The following LRRC28 variants were observed in gnomAD, a reference collection of about 807,000 sequenced individuals.
LRRC28 encodes leucine-rich repeat-containing protein 28.
LRRC28 carries 39 observed loss-of-function variants against 45.7 expected under a neutral mutation model. That is an observed-to-expected ratio of 0.85 (90% CI 0.66 to 1.12). The LOEUF (loss-of-function observed/expected upper bound fraction) is 1.12, where lower values mean the gene tolerates loss of function less well. Among genes scored for constraint, LRRC28 ranks in the 50% most tolerant of loss-of-function variants. LRRC28 has a pLI of 0.00. For missense variants in LRRC28, 435 were observed against 438.5 expected (o/e 0.99, Z 0.07); for synonymous variants, 206 against 178.8 (o/e 1.15, Z -1.22).
At chr15:99,359,945 TA>T (rs1390769957) in intron 7 of LRRC28, among the ~76,000 whole-genome samples, 1 of 152,214 alleles carries the variant, frequency 6.6e-6, no homozygotes, top group Non-Finnish European at 1.5e-5. Context: ...TTCAAGACCC[TA>T]AAGACTTCCC....
chr15:99,302,731 T>C (rs1438858740), intron 5 of LRRC28, among the ~76,000 whole-genome samples: 1 of 152,242 alleles, frequency 6.6e-6, no homozygotes, highest in Non-Finnish European at 1.5e-5. Context: ...TAGCCTTTGT[T>C]CTCACCCGCA....
At chr15:99,371,295 C>T (rs995622560) in intron 9 of LRRC28, among the ~76,000 whole-genome samples, 1 of 152,194 alleles carries the variant, frequency 6.6e-6, no homozygotes. Flanking sequence ...AATCAGGCCA[C>T]TTTCAAGCTC....
At chr15:99,270,959 A>G (rs1350224527) in intron 2 of LRRC28, among the ~76,000 whole-genome samples, 2 of 152,176 alleles carry the variant, frequency 1.3e-5, no homozygotes, top group African/African-American at 4.8e-5. Flanking sequence ...TACAGCTGTC[A>G]TAGTGGGTAT....
intron 5 of LRRC28, among the ~76,000 whole-genome samples, chr15:99,292,662 C>T (rs573880423): frequency 3.3e-5 from 5 of 152,340 alleles, no homozygotes; most frequent in African/African-American, 1.2e-4. Flanking sequence ...CCGCGCCCAG[C>T]CTCGTACAGT....
intron 2 of LRRC28, among the ~76,000 whole-genome samples, chr15:99,263,225 G>A (rs549832043): frequency 6.6e-6 from 1 of 150,774 alleles, no homozygotes; most frequent in South Asian, 2.1e-4. Flanking sequence ...GGTCTGAGAT[G>A]GGAGGATTGC....
intron 9 of LRRC28, among the ~76,000 whole-genome samples, chr15:99,376,374 A>C (rs62025366): frequency 0.15 from 23,145 of 152,120 alleles, 1,805 homozygotes; most frequent in African/African-American, 0.18. Flanking sequence ...CTTTAAACTT[A>C]AATTGTTCTT....
intron 3 of LRRC28, 148 bp downstream of exon 3, chr15:99,276,764 A>G (rs985624408): frequency 2.0e-6 from 1 of 499,638 alleles, no homozygotes; most frequent in African/African-American, 2.0e-5. Context: ...CTGTGGTTCT[A>G]CTAAACCCAA....
At chr15:99,330,123 G>A (rs1313791893) in intron 5 of LRRC28, among the ~76,000 whole-genome samples, 2 of 151,964 alleles carry the variant, frequency 1.3e-5, no homozygotes, top group African/African-American at 4.8e-5. Flanking sequence ...ATACTTTTGG[G>A]ATATTGATCT....
At position 99,276,084 on chromosome 15, in the gene LRRC28, A is replaced by G. The variant is rs543344079; in HGVS notation, c.169-492A>G. Among the ~76,000 whole-genome samples, 5 of 151,994 alleles carry G rather than the reference A, an allele frequency of 3.3e-5. No individual in the cohort carries two copies. The East Asian group carries it at 9.6e-4, about 29-fold the overall frequency. On this transcript the variant is annotated intron_variant, in intron 2 of 9. Transcript: ENST00000301981. ...GAGTGATCTAGTTTGTGCACTTGTT[A>G]TGAGAATCTAGTGCCTGACGATCTG...
chr15:99,334,094 C>G lies in LRRC28; in HGVS notation c.557C>G (p.Ser186Cys). 6.2e-7 allele frequency: 1 copy of G among 1,614,132 alleles called. No homozygotes were observed. The highest frequency in any genetic ancestry group is 8.5e-7 in the Non-Finnish European group (1 of 1,179,984). Residue 186 changes from serine (S) to cysteine (C), a missense_variant, in exon 6 of 10, where the codon TCC becomes TGC. By Grantham distance (112) the Ser-to-Cys change is moderately radical. Transcript: ENST00000301981. ...LCQLPSLNEL[S>C]MAGNRLAFLP... ...CAGCTGCCCAGCCTCAATGAGCTCT[C>G]CATGGCTGGAAACCGTCTTGCATTT...
intron 9 of LRRC28, chr15:99,384,724 T>C (rs1207017648): frequency 6.6e-6 from 1 of 152,188 alleles, no homozygotes; most frequent in African/African-American, 2.4e-5. Context: ...TCCAGTGATA[T>C]TTGAGTAACC....
rs1362541318 is a variant in LRRC28, at chr15:99,386,068, C to A, written c.1070C>A (p.Thr357Asn). 1 of 1,614,190 alleles carries A rather than the reference C, an allele frequency of 6.2e-7. No homozygotes were observed. Among genetic ancestry groups the A allele is most frequent in the South Asian group, 1.1e-5 (1 of 91,088 alleles). Reference protein sequence around the residue: ...TVSFVAYCCSTQCLQTFDLLS With the variant: ...TVSFVAYCCSNQCLQTFDLLS The stretch of plus-strand genomic sequence containing the variant: ...AGTTTTGTGGCTTACTGCTGCTCCA[C>A]CCAGTGTCTGCAGACTTTTGACCTG... Residue 357 changes from threonine to asparagine, a missense_variant, in exon 10 of 10, where the codon ACC (threonine) becomes AAC (asparagine). By Grantham distance (65) the Thr-to-Asn change is moderately conservative. Coordinates refer to ENST00000301981, the MANE Select transcript of LRRC28 (RefSeq NM_144598.5).
chr15:99,351,448 T>C (rs866936514), intron 6 of LRRC28, among the ~76,000 whole-genome samples: 2 of 152,302 alleles, frequency 1.3e-5, no homozygotes, highest in Middle Eastern at 3.4e-3. Flanking sequence ...GCCCTTCTTT[T>C]GGGGCCCCCT....
rs1958061664 is a variant in LRRC28 at position 99,387,531 on chromosome 15, T to A, written c.*1429T>A. The A allele has an allele frequency of 6.6e-6, 1 of 152,176 alleles. No individual in the cohort carries two copies. Among genetic ancestry groups the A allele is most frequent in the Non-Finnish European group, 1.5e-5 (1 of 68,042 alleles). 9.4% of individuals were successfully genotyped at this position (152,176 alleles called of 1,614,324 possible). A position where few individuals can be genotyped will look rare whatever the true frequency, so the allele number is the denominator to read the frequency against. The stretch of plus-strand genomic sequence containing the variant: ...GCAGGTCCAAATTCAGCCTTCGACT[T>A]CTGCAAAAGTCCATAAACAGAAAGT... On this transcript the variant is annotated 3_prime_UTR_variant, in exon 10 of 10. Coordinates refer to ENST00000301981, the MANE Select transcript of LRRC28 (RefSeq NM_144598.5).
intron 2 of LRRC28, among the ~76,000 whole-genome samples, chr15:99,270,443 C>T (rs2081446725): frequency 6.8e-6 from 1 of 147,742 alleles, no homozygotes; most frequent in Non-Finnish European, 1.5e-5. Context: ...CCACCCTCAG[C>T]TCCCACACCC....
intron 2 of LRRC28, among the ~76,000 whole-genome samples, chr15:99,269,517 C>T (rs2081418045): frequency 6.6e-6 from 1 of 152,064 alleles, no homozygotes; most frequent in Non-Finnish European, 1.5e-5. Context: ...GATTCTCCTG[C>T]CTCATCCTCC....
chr15:99,265,293 T>C (rs2081302562), intron 2 of LRRC28, among the ~76,000 whole-genome samples: 1 of 152,106 alleles, frequency 6.6e-6, no homozygotes, highest in African/African-American at 2.4e-5. Flanking sequence ...CTAAGGAGGT[T>C]TAGGATTTGG....
At position 99,387,088 on chromosome 15, in the gene LRRC28, T is replaced by G. The variant is rs1171403891; in HGVS notation, c.*986T>G. The G allele has an allele frequency of 6.6e-6, 1 of 151,572 alleles. No homozygotes were observed. The highest frequency in any genetic ancestry group is 1.5e-5 in the Non-Finnish European group (1 of 67,850). 9.4% of individuals were successfully genotyped at this position (151,572 alleles called of 1,614,324 possible). On this transcript the variant is annotated 3_prime_UTR_variant, in exon 10 of 10. Coordinates refer to ENST00000301981, the MANE Select transcript of LRRC28 (RefSeq NM_144598.5). ...TTTTTTTGTTGTTGTTGAGACGGAG[T>G]CTCGCTCTGTCGCCCAGGCTGGAGT... is the stretch of plus-strand genomic sequence containing the variant.
At chr15:99,337,252 A>C (rs931396662) in intron 6 of LRRC28, among the ~76,000 whole-genome samples, 1 of 152,204 alleles carries the variant, frequency 6.6e-6, no homozygotes, top group Admixed American at 6.5e-5. Context: ...GAATAGAGGG[A>C]AGCCATTCCC....
Sources: gnomAD v4.1 joint callset for allele counts (sites outside exome capture counted in the v4.1 genomes callset) on GRCh38, gnomAD v4.1.1 for gene constraint, MANE v1.5 for transcripts, NCBI Gene and HGNC (gene_info 2026-07-23, HGNC 2026-07-21) for gene names.